CDH9: variants seen among roughly 807,000 people sequenced by gnomAD.
CDH9 encodes cadherin 9, also known as cadherin-9.
A neutral mutation model predicts 70.9 loss-of-function variants in CDH9; 28 were observed. The ratio of observed to expected loss-of-function variants is 0.40; its 90% CI spans 0.29 to 0.54. The LOEUF (loss-of-function observed/expected upper bound fraction) is 0.54, where lower values mean the gene tolerates loss of function less well. CDH9 is among the 20% of genes least tolerant of loss of function. The probability of loss-of-function intolerance (pLI) is 0.59; values close to 1 mark genes in which losing one functional copy is unlikely to be tolerated. For synonymous variants in CDH9, 409 were observed against 343.1 expected (o/e 1.19, Z -2.12); for missense variants, 874 against 984.4 (o/e 0.89, Z 1.50).
In CDH9 at chr5:26,890,476, G is replaced by T; in HGVS notation, c.1342C>A (p.Arg448=). The stretch of plus-strand genomic sequence containing the variant: ...ATGTTATGCCAAGGAGATGATTCCC[G>T]GTCAAGGGCTTTCAAAGTGAAAATA... ...GSIFTLKALD[R]ESSPWHNITV... Residue 448 remains arginine (R), a synonymous_variant, in exon 8 of 12, where the codon CGG becomes AGG. Coordinates refer to ENST00000231021, the MANE Select transcript of CDH9 (RefSeq NM_016279.4). The T allele has an allele frequency of 6.2e-7, 1 of 1,612,974 alleles. No individual in the cohort carries two copies. Among genetic ancestry groups the T allele is most frequent in the Non-Finnish European group, 8.5e-7 (1 of 1,179,110 alleles).
At position 26,881,193 on chromosome 5, in the gene CDH9, C is replaced by T. The variant is rs754868609; in HGVS notation, c.2313G>A (p.Gly771=). The change falls in exon 12 of 12, where the codon GGG becomes GGA. Residue 771 remains glycine, a synonymous_variant. Transcript: ENST00000231021. ...TATCGGCAAGTTTTTTGAAACGAGG[C>T]CCCCAGTCACTGAGGTAATCATAAT... ...NQDYDYLSDW[G]PRFKKLADMY... is the part of the protein sequence containing the mutation. 2.8e-5 allele frequency: 45 copies of T among 1,612,434 alleles called. No homozygotes were observed. Among genetic ancestry groups the T allele is most frequent in the Non-Finnish European group, 3.8e-5 (45 of 1,178,906 alleles).
At chr5:26,971,529 C>A (rs1219068570) in intron 2 of CDH9, among the ~76,000 whole-genome samples, 3 of 152,156 alleles carry the variant, frequency 2.0e-5, no homozygotes, top group Non-Finnish European at 4.4e-5. Flanking sequence ...CATTATCTTG[C>A]AACATATTAT....
At chr5:27,015,027 C>T (rs778666080) in intron 1 of CDH9, among the ~76,000 whole-genome samples, 11 of 151,910 alleles carry the variant, frequency 7.2e-5, no homozygotes, top group Non-Finnish European at 1.0e-4. Context: ...GCAAGGATCA[C>T]ATAACCGTAA....
chr5:26,911,357 TCTGGTG>T, intron 3 of CDH9, among the ~76,000 whole-genome samples: 2 of 152,136 alleles, frequency 1.3e-5, no homozygotes, highest in African/African-American at 4.8e-5. Flanking sequence ...GGCCTATCTC[TCTGGTG>T]TTAGAAATAC....
chr5:26,891,190 A>C (rs1740653807), intron 7 of CDH9, among the ~76,000 whole-genome samples: 1 of 152,210 alleles, frequency 6.6e-6, no homozygotes, highest in African/African-American at 2.4e-5. Flanking sequence ...ATCTTATTAA[A>C]GATAAGACTC....
At position 26,881,104 on chromosome 5, in the gene CDH9, T is replaced by C. The variant is rs1740452444; in HGVS notation, c.*32A>G. The stretch of plus-strand genomic sequence containing the variant: ...TCAATCTAATAACATAGACAGTACT[T>C]CCACTAATATTGATTAAGTCAAACA... On this transcript the variant is annotated 3_prime_UTR_variant, in exon 12 of 12. Coordinates refer to ENST00000231021, the MANE Select transcript of CDH9 (RefSeq NM_016279.4). 1 of 1,549,024 alleles carries C rather than the reference T, an allele frequency of 6.5e-7. No homozygotes were observed. Among genetic ancestry groups the C allele is most frequent in the Admixed American group, 1.9e-5 (1 of 52,262 alleles).
At chr5:26,918,767 G>A (rs1741192467) in intron 2 of CDH9, among the ~76,000 whole-genome samples, 1 of 152,136 alleles carries the variant, frequency 6.6e-6, no homozygotes, top group Non-Finnish European at 1.5e-5. Context: ...GACTCGATGT[G>A]GAACTCAATA....
At chr5:26,944,124 T>C (rs1741707166) in intron 2 of CDH9, among the ~76,000 whole-genome samples, 1 of 152,144 alleles carries the variant, frequency 6.6e-6, no homozygotes, top group African/African-American at 2.4e-5. Context: ...CATTCACTAA[T>C]TCATGTTTTT....
At chr5:26,947,798 G>A (rs369678407) in intron 2 of CDH9, among the ~76,000 whole-genome samples, 18 of 152,090 alleles carry the variant, frequency 1.2e-4, no homozygotes, top group East Asian at 3.9e-4. Context: ...GCTGAAGGTA[G>A]AGTCTTCCAA....
intron 2 of CDH9, among the ~76,000 whole-genome samples, chr5:26,929,896 A>G (rs1263064996): frequency 2.0e-5 from 3 of 152,054 alleles, no homozygotes; most frequent in African/African-American, 4.8e-5. Flanking sequence ...GTACAAAAAT[A>G]TAGTTAGGGG....
intron 2 of CDH9, among the ~76,000 whole-genome samples, chr5:26,966,969 G>A (rs1742139576): frequency 6.6e-6 from 1 of 151,978 alleles, no homozygotes; most frequent in Admixed American, 6.6e-5. Context: ...ATCTCACTCT[G>A]TTGCCCAGGC....
At chr5:27,023,029 C>G (rs1413261700) in intron 1 of CDH9, among the ~76,000 whole-genome samples, 2 of 151,852 alleles carry the variant, frequency 1.3e-5, no homozygotes, top group African/African-American at 4.8e-5. Flanking sequence ...TTGTAAATGA[C>G]TTTGAAACTG....
intron 2 of CDH9, among the ~76,000 whole-genome samples, chr5:26,935,132 T>C (rs551207810): frequency 6.6e-6 from 1 of 152,246 alleles, no homozygotes; most frequent in South Asian, 2.1e-4. Context: ...AAAAAAGTCA[T>C]ATGATCATAC....
chr5:27,031,143 C>T (rs1044636627), intron 1 of CDH9, among the ~76,000 whole-genome samples: 1 of 151,568 alleles, frequency 6.6e-6, no homozygotes, highest in African/African-American at 2.4e-5. Flanking sequence ...ATAACTAAAA[C>T]ATTACATAAT....
intron 1 of CDH9, among the ~76,000 whole-genome samples, chr5:26,995,564 A>G (rs1372390728): frequency 1.3e-5 from 2 of 152,110 alleles, no homozygotes; most frequent in African/African-American, 4.8e-5. Context: ...CATTTAGAGA[A>G]CATCAGTACA....
rs192488036 is a variant in CDH9, at chr5:26,931,129, T to C, written c.229-15205A>G. On this transcript the variant is annotated intron_variant, in intron 2 of 11. Coordinates refer to ENST00000231021, the MANE Select transcript of CDH9 (RefSeq NM_016279.4). ...TATGTAAATTCACTGTTTTTAGAAA[T>C]TGGACAGCAGAAAAGAAGCAACATG... Among the ~76,000 whole-genome samples the C allele has an allele frequency of 2.0e-3, 312 of 152,214 alleles. No individual in the cohort carries two copies. In the Middle Eastern group the frequency reaches 0.027, roughly 13 times the overall value.
chr5:27,027,622 T>C (rs556056721), intron 1 of CDH9, among the ~76,000 whole-genome samples: 2 of 152,066 alleles, frequency 1.3e-5, no homozygotes, highest in Admixed American at 1.3e-4. Context: ...TTTTTGTAAG[T>C]AGGATATCTG....
intron 2 of CDH9, among the ~76,000 whole-genome samples, chr5:26,922,148 A>G (rs1032334332): frequency 6.6e-6 from 1 of 150,674 alleles, no homozygotes; most frequent in Non-Finnish European, 1.5e-5. Flanking sequence ...GGAGAGAGAG[A>G]TGAGAGTAGA....
At chr5:26,951,885 T>C (rs1173216873) in intron 2 of CDH9, among the ~76,000 whole-genome samples, 2 of 152,150 alleles carry the variant, frequency 1.3e-5, no homozygotes, top group East Asian at 1.9e-4. Flanking sequence ...CATAACACTT[T>C]CTTCTTCAAC....
Sources: gnomAD v4.1 joint callset for allele counts (sites outside exome capture counted in the v4.1 genomes callset) on GRCh38, gnomAD v4.1.1 for gene constraint, MANE v1.5 for transcripts, NCBI Gene and HGNC (gene_info 2026-07-23, HGNC 2026-07-21) for gene names.